SLC25A21: variants seen among roughly 807,000 people sequenced by gnomAD.
SLC25A21 encodes mitochondrial 2-oxodicarboxylate carrier.
Under a neutral mutation model 43.8 loss-of-function variants are expected in SLC25A21, and 47 were observed. The observed-to-expected ratio is 1.07, with a 90% CI of 0.85 to 1.37. The LOEUF (loss-of-function observed/expected upper bound fraction) is 1.37. SLC25A21 is among the 40% of genes most tolerant of loss of function. The pLI is 0.00. For missense variants in SLC25A21, 352 were observed against 350.2 expected (o/e 1.00, Z -0.04); for synonymous variants, 131 against 121.3 (o/e 1.08, Z -0.52).
At chr14:37,052,331 A>G (rs991329486) in intron 1 of SLC25A21, among the ~76,000 whole-genome samples, 10 of 152,328 alleles carry the variant, frequency 6.6e-5, no homozygotes, top group Non-Finnish European at 1.2e-4. Context: ...AAACCGGGCT[A>G]TGCAACACAA....
chr14:36,915,052 C>A (rs7159909), intron 1 of SLC25A21, among the ~76,000 whole-genome samples: 2,282 of 151,900 alleles, frequency 0.015, 49 homozygotes, highest in African/African-American at 0.051. Flanking sequence ...AAAATGATCA[C>A]AATGATGCAA....
chr14:36,825,175 T>A (rs1888781388), intron 2 of SLC25A21, among the ~76,000 whole-genome samples: 1 of 152,330 alleles, frequency 6.6e-6, no homozygotes, highest in African/African-American at 2.4e-5. Context: ...TCCAAGTGTT[T>A]AAGTGCGTAC....
intron 1 of SLC25A21, among the ~76,000 whole-genome samples, chr14:36,934,499 C>T (rs1892369999): frequency 1.3e-5 from 2 of 150,854 alleles, no homozygotes; most frequent in African/African-American, 4.9e-5. Flanking sequence ...TGCCATCCCT[C>T]GGGAATTAAC....
chr14:37,169,394 A>T (rs1378677890), intron 1 of SLC25A21, among the ~76,000 whole-genome samples: 2 of 151,984 alleles, frequency 1.3e-5, no homozygotes, highest in Non-Finnish European at 2.9e-5. Flanking sequence ...GAAGAGATGG[A>T]GAGACTTCAC....
chr14:37,098,825 CA>C, intron 1 of SLC25A21, among the ~76,000 whole-genome samples: 1 of 141,620 alleles, frequency 7.1e-6, no homozygotes, highest in African/African-American at 2.6e-5. Context: ...TTTTTTGAGA[CA>C]AAGTCTCATT....
intron 2 of SLC25A21, among the ~76,000 whole-genome samples, chr14:36,820,651 G>A (rs149453546): frequency 3.3e-4 from 51 of 152,334 alleles, no homozygotes; most frequent in African/African-American, 1.2e-3. Context: ...AGGGAAAGCA[G>A]CACACAGACT....
At chr14:36,997,109 G>T (rs1960387675) in intron 1 of SLC25A21, among the ~76,000 whole-genome samples, 1 of 151,984 alleles carries the variant, frequency 6.6e-6, no homozygotes, top group African/African-American at 2.4e-5. Flanking sequence ...TTACGATGTG[G>T]GAACCCTGAT....
rs995375975 is a variant in SLC25A21 at position 36,679,636 on chromosome 14, A to G, written c.*1022T>C. The G allele has an allele frequency of 3.0e-6, 3 of 985,442 alleles. No homozygotes were observed. In the African/African-American group the frequency reaches 5.2e-5, roughly 17 times the overall value. The allele number at this position is 985,442 out of a possible 1,614,324, so 61.0% of individuals were successfully genotyped here. On this transcript the variant is annotated 3_prime_UTR_variant, in exon 10 of 10. Transcript: ENST00000331299. ...TCAGAACATTTCCCCTTCATCATAC[A>G]TATTTTAATACTGCAGACAGCTGAC...
intron 1 of SLC25A21, among the ~76,000 whole-genome samples, chr14:36,957,094 T>C (rs1026833852): frequency 3.3e-5 from 5 of 152,240 alleles, no homozygotes; most frequent in East Asian, 1.9e-4. Flanking sequence ...ATGAGCATCA[T>C]AGAAATGTTG....
intron 1 of SLC25A21, among the ~76,000 whole-genome samples, chr14:37,023,015 A>C (rs1051782659): frequency 4.6e-5 from 7 of 151,980 alleles, no homozygotes; most frequent in Admixed American, 4.6e-4. Context: ...TATAGGGTCC[A>C]TTGCCTTCTG....
intron 1 of SLC25A21, among the ~76,000 whole-genome samples, chr14:37,141,477 T>TA (rs1236532366): frequency 6.6e-6 from 1 of 152,170 alleles, no homozygotes; most frequent in African/African-American, 2.4e-5. Context: ...TAGAATTGTC[T>TA]ATGATTATTT....
At chr14:36,883,664 C>A (rs999557989) in intron 1 of SLC25A21, among the ~76,000 whole-genome samples, 1 of 152,028 alleles carries the variant, frequency 6.6e-6, no homozygotes, top group Non-Finnish European at 1.5e-5. Flanking sequence ...GAAAAAGAAA[C>A]TGAATTATAT....
intron 2 of SLC25A21, among the ~76,000 whole-genome samples, chr14:36,856,222 C>T (rs935430205): frequency 1.1e-4 from 17 of 152,210 alleles, no homozygotes; most frequent in Admixed American, 4.6e-4. Context: ...TGGTGACTGA[C>T]TCTGTTTATT....
rs577988922 is a variant in SLC25A21 at position 36,893,015 on chromosome 14, G to A, written c.71-18011C>T. ...ATAGTGCTGCAATAAACATACGTGT[G>A]CATGTGTCTTTAGCGCAGCATGATT... On this transcript the variant is annotated intron_variant, in intron 1 of 9. Transcript: ENST00000331299. Among the ~76,000 whole-genome samples, 491 of 152,278 alleles carry A rather than the reference G, an allele frequency of 3.2e-3. 4 individuals carry two copies. The highest frequency in any genetic ancestry group is 0.011 in the African/African-American group (461 of 41,550).
At chr14:36,811,408 T>C (rs1200093592) in intron 3 of SLC25A21, among the ~76,000 whole-genome samples, 1 of 152,120 alleles carries the variant, frequency 6.6e-6, no homozygotes, top group Non-Finnish European at 1.5e-5. Context: ...CCTAGCACTT[T>C]GGGAGGCCGA....
chr14:37,092,041 C>T (rs1384041161), intron 1 of SLC25A21, among the ~76,000 whole-genome samples: 6 of 152,050 alleles, frequency 3.9e-5, no homozygotes, highest in African/African-American at 1.4e-4. Context: ...GTGGGGGGAT[C>T]ATTTGAGCCT....
intron 1 of SLC25A21, among the ~76,000 whole-genome samples, chr14:37,119,006 A>G (rs1304419212): frequency 6.6e-6 from 1 of 152,136 alleles, no homozygotes; most frequent in Non-Finnish European, 1.5e-5. Context: ...GAAGCTGGCC[A>G]AATCCAACCA....
intron 2 of SLC25A21, among the ~76,000 whole-genome samples, chr14:36,816,749 C>T (rs1006874880): frequency 6.6e-6 from 1 of 152,110 alleles, no homozygotes; most frequent in Non-Finnish European, 1.5e-5. Context: ...AGCAATCCTC[C>T]CGCCTCGGTC....
chr14:36,944,730 T>G (rs1406907571), intron 1 of SLC25A21, among the ~76,000 whole-genome samples: 1 of 152,182 alleles, frequency 6.6e-6, no homozygotes, highest in African/African-American at 2.4e-5. Flanking sequence ...ATTTTTCCCT[T>G]TCTCACAGTT....
Sources: gnomAD v4.1 joint callset for allele counts (sites outside exome capture counted in the v4.1 genomes callset) on GRCh38, gnomAD v4.1.1 for gene constraint, MANE v1.5 for transcripts, NCBI Gene and HGNC (gene_info 2026-07-23, HGNC 2026-07-21) for gene names.